The following OXR1 variants were observed in gnomAD, a reference collection of about 807,000 sequenced individuals.
The protein encoded by OXR1 is oxidation resistance protein 1.
Under a neutral mutation model 104.6 loss-of-function variants are expected in OXR1, and 41 were observed. The observed-to-expected ratio is 0.39, with a 90% CI of 0.31 to 0.51. The LOEUF (loss-of-function observed/expected upper bound fraction) is 0.51. OXR1 is among the 20% of genes least tolerant of loss of function. OXR1 has a pLI of 0.77. For missense variants in OXR1, 955 were observed against 1,031.9 expected, an observed-to-expected ratio of 0.93 and a Z score of 1.02; for synonymous variants, 348 against 348.4, an observed-to-expected ratio of 1.00 and a Z score of 0.01.
intron 3 of OXR1, among the ~76,000 whole-genome samples, chr8:106,537,431 T>A (rs535548409): frequency 6.6e-6 from 1 of 152,022 alleles, no homozygotes; most frequent in Admixed American, 6.5e-5. Flanking sequence ...ACGGAGGAGC[T>A]CATATGTAAT....
chr8:106,353,975 A>G (rs909976534), intron 1 of OXR1, among the ~76,000 whole-genome samples: 4 of 151,704 alleles, frequency 2.6e-5, no homozygotes, highest in African/African-American at 9.7e-5. Flanking sequence ...CTCACATATG[A>G]CTGAGATCAT....
chr8:106,460,173 C>G (rs1490718083), intron 2 of OXR1, among the ~76,000 whole-genome samples: 1 of 152,142 alleles, frequency 6.6e-6, no homozygotes, highest in African/African-American at 2.4e-5. Context: ...AACACCATTG[C>G]TCTCAATCAC....
At chr8:106,487,021 CT>C (rs11296936) in intron 2 of OXR1, among the ~76,000 whole-genome samples, 16,680 of 129,616 alleles carry the variant, frequency 0.13, 915 homozygotes, top group African/African-American at 0.27. Flanking sequence ...AATCCAGACA[CT>C]TTTTTTTTTT....
chr8:106,357,269 C>G (rs1031810559), intron 1 of OXR1, among the ~76,000 whole-genome samples: 1 of 151,408 alleles, frequency 6.6e-6, no homozygotes, highest in Admixed American at 6.6e-5. Context: ...AAAAATGAGG[C>G]AATACAGCTT....
At chr8:106,411,781 T>A (rs1818466352) in intron 2 of OXR1, among the ~76,000 whole-genome samples, 3 of 152,170 alleles carry the variant, frequency 2.0e-5, no homozygotes, top group Admixed American at 2.0e-4. Flanking sequence ...ACCTTTGTGA[T>A]TAAACCATAC....
chr8:106,348,259 G>A (rs1815577315), intron 1 of OXR1, among the ~76,000 whole-genome samples: 1 of 152,038 alleles, frequency 6.6e-6, no homozygotes, highest in African/African-American at 2.4e-5. Flanking sequence ...TGCTATGAAG[G>A]ACATTGAAGC....
intron 16 of OXR1, among the ~76,000 whole-genome samples, chr8:106,750,079 A>G: frequency 6.6e-6 from 1 of 151,862 alleles, no homozygotes; most frequent in East Asian, 1.9e-4. Flanking sequence ...ATTTTAGATG[A>G]TACTGAATTT....
intron 1 of OXR1, among the ~76,000 whole-genome samples, chr8:106,286,582 G>A (rs560275943): frequency 2.6e-5 from 4 of 152,162 alleles, no homozygotes; most frequent in Non-Finnish European, 4.4e-5. Context: ...TCTTTAAGTA[G>A]CACTGGATGT....
intron 3 of OXR1, among the ~76,000 whole-genome samples, chr8:106,559,632 G>A (rs1816532988): frequency 6.6e-6 from 1 of 152,180 alleles, no homozygotes; most frequent in Non-Finnish European, 1.5e-5. Context: ...AGGCTGAGAA[G>A]TCCAAGATCA....
At chr8:106,380,884 G>GT (rs1429499966) in intron 2 of OXR1, among the ~76,000 whole-genome samples, 1 of 152,098 alleles carries the variant, frequency 6.6e-6, no homozygotes, top group African/African-American at 2.4e-5. Flanking sequence ...TTTCATAGAA[G>GT]TTTTTTGGGA....
Position 106,578,101 on chromosome 8 carries a change from G to A in OXR1, c.220+58962G>A, listed in dbSNP as rs145154116. On this transcript the variant is annotated intron_variant, in intron 3 of 16. Coordinates refer to ENST00000517566, the MANE Select transcript of OXR1 (RefSeq NM_001198533.2). ...ATGGGAAACCCAATTTCAATCTCAGGTAAACAATGAATAAACATTTAGTAT... is the reference window on the plus strand; with the variant it reads ...ATGGGAAACCCAATTTCAATCTCAGATAAACAATGAATAAACATTTAGTAT... Among the ~76,000 whole-genome samples, 32 of 152,218 alleles carry A rather than the reference G, an allele frequency of 2.1e-4. 1 individual carries two copies. In the East Asian group the frequency reaches 5.8e-3, roughly 28 times the overall value.
chr8:106,405,941 A>G (rs1018181293), intron 2 of OXR1, among the ~76,000 whole-genome samples: 1 of 152,256 alleles, frequency 6.6e-6, no homozygotes, highest in African/African-American at 2.4e-5. Context: ...GTTCTTTAAC[A>G]GAACAAAAGA....
intron 1 of OXR1, among the ~76,000 whole-genome samples, chr8:106,350,376 A>C (rs1414568924): frequency 3.9e-5 from 6 of 152,186 alleles, no homozygotes; most frequent in African/African-American, 1.4e-4. Context: ...AAGGTTCATA[A>C]CTGTTTAGTT....
intron 2 of OXR1, among the ~76,000 whole-genome samples, chr8:106,449,814 A>AT (rs919469434): frequency 7.3e-5 from 11 of 151,142 alleles, no homozygotes; most frequent in East Asian, 1.9e-4. Context: ...TTGTCTTTTA[A>AT]TTTTTTTTTG....
intron 3 of OXR1, among the ~76,000 whole-genome samples, chr8:106,524,004 C>G (rs1204104090): frequency 1.3e-5 from 2 of 152,098 alleles, no homozygotes; most frequent in Non-Finnish European, 2.9e-5. Flanking sequence ...TCTCGATCTC[C>G]TGACCTCGTG....
intron 3 of OXR1, among the ~76,000 whole-genome samples, chr8:106,615,624 A>G (rs1362680975): frequency 6.8e-6 from 1 of 147,512 alleles, no homozygotes; most frequent in African/African-American, 2.5e-5. Context: ...AAAAAAAAAA[A>G]GGAAAAAAAT....
In OXR1 at chr8:106,274,600, ACC is replaced by A. The variant is rs11322065; in HGVS notation, c.-139+4242_-139+4243del. The stretch of plus-strand genomic sequence containing the variant: ...AGACTCTGGGGCACCCAGCAACGCC[ACC>A]CCCCCCCCGACCCCGCCCTTTCTCC... On this transcript the variant is annotated intron_variant, in intron 1 of 16. Transcript: ENST00000517566. Among the ~76,000 whole-genome samples the A allele has an allele frequency of 2.0e-3, 214 of 108,922 alleles. 2 individuals are homozygous for A. Among genetic ancestry groups the A allele is most frequent in the South Asian group, 6.1e-3 (17 of 2,802 alleles). The allele number at this position is 108,922 out of a possible 152,430, so 71.5% of individuals were successfully genotyped here.
chr8:106,435,750 T>C (rs1819542806), intron 2 of OXR1, among the ~76,000 whole-genome samples: 1 of 152,192 alleles, frequency 6.6e-6, no homozygotes, highest in African/African-American at 2.4e-5. Context: ...TTCGCCACCA[T>C]AGCATGTGGC....
intron 3 of OXR1, among the ~76,000 whole-genome samples, chr8:106,637,937 A>ATT (rs969554826): frequency 6.7e-6 from 1 of 149,386 alleles, no homozygotes; most frequent in Non-Finnish European, 1.5e-5. Context: ...ACTTTTTTGT[A>ATT]TTTTTTTTTA....
Sources: gnomAD v4.1 joint callset for allele counts (sites outside exome capture counted in the v4.1 genomes callset) on GRCh38, gnomAD v4.1.1 for gene constraint, MANE v1.5 for transcripts, NCBI Gene and HGNC (gene_info 2026-07-23, HGNC 2026-07-21) for gene names.